POLA1: variants seen among roughly 807,000 people sequenced by gnomAD.
POLA1 encodes DNA polymerase alpha 1, catalytic subunit, also known as DNA polymerase alpha catalytic subunit.
In POLA1, 15 loss-of-function variants were observed where a neutral mutation model predicts 124.0. That is an observed-to-expected ratio of 0.12 (90% confidence interval 0.08 to 0.19). The LOEUF is 0.19. Ranked by LOEUF, POLA1 falls within the 10% of genes least tolerant of loss-of-function variation. The pLI is 1.00. For missense variants in POLA1, 886 were observed against 1,103.4 expected (o/e 0.80, Z 2.79); for synonymous variants, 408 against 389.4 (o/e 1.05, Z -0.56).
intron 36 of POLA1, among the ~76,000 whole-genome samples, chrX:24,973,311 G>C (rs1435777442): frequency 1.8e-5 from 2 of 110,853 alleles, no homozygotes; most frequent in African/African-American, 3.3e-5. Flanking sequence ...TTTGCAGTGA[G>C]CTGAGATAGC....
At chrX:24,812,040 G>T (rs1569321568) in intron 28 of POLA1, among the ~76,000 whole-genome samples, 1 of 112,241 alleles carries the variant, frequency 8.9e-6, no homozygotes, top group African/African-American at 3.2e-5. Context: ...AATTTGAATG[G>T]TAGTCTTCAC....
chrX:24,969,385 T>G (rs1361937077), intron 36 of POLA1, among the ~76,000 whole-genome samples: 2 of 110,296 alleles, frequency 1.8e-5, no homozygotes, highest in Non-Finnish European at 3.8e-5. Context: ...GGCATCCCCA[T>G]GCACCCCAGG....
chrX:24,991,375 A>G (rs1212410863), intron 36 of POLA1, among the ~76,000 whole-genome samples: 2 of 112,719 alleles, frequency 1.8e-5, no homozygotes, highest in African/African-American at 6.4e-5. Flanking sequence ...ATCTCTTTCA[A>G]GGTGACTCTT....
intron 36 of POLA1, among the ~76,000 whole-genome samples, chrX:24,985,215 T>C (rs1168704464): frequency 1.8e-5 from 2 of 112,595 alleles, no homozygotes; most frequent in Non-Finnish European, 3.8e-5. Context: ...AAGAGTCAGA[T>C]AGTAGTTTCA....
chrX:24,759,315 CA>C (rs1346138677), intron 26 of POLA1, among the ~76,000 whole-genome samples: 1 of 112,086 alleles, frequency 8.9e-6, no homozygotes, highest in African/African-American at 3.2e-5. Context: ...TAACACAAAA[CA>C]AAAGTCTGCA....
At chrX:24,708,979 T>C (rs1929040496) in intron 4 of POLA1, among the ~76,000 whole-genome samples, 1 of 78,787 alleles carries the variant, frequency 1.3e-5, no homozygotes, top group African/African-American at 4.4e-5. Flanking sequence ...GAGGCGCCCC[T>C]CACCTCCCGG....
At chrX:24,973,842 A>C (rs2048333120) in intron 36 of POLA1, among the ~76,000 whole-genome samples, 1 of 111,419 alleles carries the variant, frequency 9.0e-6, no homozygotes. Context: ...CCACCCCCAC[A>C]CAAGCTTCCC....
intron 10 of POLA1, among the ~76,000 whole-genome samples, chrX:24,722,596 C>A (rs1389366019): frequency 5.3e-5 from 6 of 112,775 alleles, no homozygotes; most frequent in Non-Finnish European, 1.1e-4. Flanking sequence ...TATCCTGATA[C>A]ATGAATATTG....
At chrX:24,707,200 G>A (rs1047810327) in intron 4 of POLA1, among the ~76,000 whole-genome samples, 1 of 111,790 alleles carries the variant, frequency 8.9e-6, no homozygotes, top group African/African-American at 3.3e-5. Flanking sequence ...TTAGAGTTAC[G>A]GTTCTATTGT....
In POLA1 at chrX:24,914,055, A is replaced by G. The variant is rs578135975; in HGVS notation, c.4165-16398A>G. Among the ~76,000 whole-genome samples, 13 of 109,766 alleles carry G rather than the reference A, an allele frequency of 1.2e-4. No homozygotes were observed. In the South Asian group the frequency reaches 5.3e-3, roughly 45 times the overall value. On this transcript the variant is annotated intron_variant, in intron 35 of 36. Coordinates refer to ENST00000379068, the MANE Select transcript of POLA1 (RefSeq NM_001330360.2). The stretch of plus-strand genomic sequence containing the variant: ...AAAAATAATAATAATTTTTTAAAAA[A>G]AGTCATGGCATGACTTTTTAGCCAG...
intron 35 of POLA1, among the ~76,000 whole-genome samples, chrX:24,908,597 G>A (rs1360836389): frequency 9.0e-6 from 1 of 110,598 alleles, no homozygotes; most frequent in Non-Finnish European, 1.9e-5. Flanking sequence ...AGTATTCCAT[G>A]GTGTATATGT....
At chrX:24,964,727 A>C (rs2048203998) in intron 36 of POLA1, among the ~76,000 whole-genome samples, 1 of 112,511 alleles carries the variant, frequency 8.9e-6, no homozygotes, top group African/African-American at 3.2e-5. Context: ...TTCCATAGGC[A>C]ATTAATATAT....
chrX:24,912,539 A>G (rs766842800), intron 35 of POLA1, among the ~76,000 whole-genome samples: 1 of 112,210 alleles, frequency 8.9e-6, no homozygotes, highest in Admixed American at 9.5e-5. Context: ...CCAATTTAAA[A>G]AAAAACAAAA....
Position 24,726,034 on chromosome X carries a change from G to A in POLA1, c.1371G>A (p.Glu457=), listed in dbSNP as rs1452402270. The A allele has an allele frequency of 1.7e-6, 2 of 1,154,367 alleles. No homozygotes were observed. Among genetic ancestry groups the A allele is most frequent in the Non-Finnish European group, 1.2e-6 (1 of 845,487 alleles). The change falls in exon 13 of 37, where the codon GAG becomes GAA. Residue 457 remains glutamate (E), a synonymous_variant. Transcript: ENST00000379068. ...FEIPDVPEKS[E]YLEVKYSAEM... is the part of the protein sequence containing the mutation. Reference sequence around the variant, plus strand: ...TACCTGATGTTCCAGAAAAATCTGAGTACTTGGAAGTTAAATACTCGGTAA... The same window carrying A: ...TACCTGATGTTCCAGAAAAATCTGAATACTTGGAAGTTAAATACTCGGTAA...
intron 11 of POLA1, among the ~76,000 whole-genome samples, chrX:24,723,987 C>T (rs961585842): frequency 5.7e-4 from 64 of 112,688 alleles, no homozygotes; most frequent in Non-Finnish European, 7.9e-4. Context: ...TCTGCTTCTC[C>T]TTTTTTATTG....
chrX:24,942,223 T>G (rs1157576577), intron 36 of POLA1, among the ~76,000 whole-genome samples: 3 of 112,360 alleles, frequency 2.7e-5, no homozygotes, highest in African/African-American at 9.7e-5. Context: ...GGATATGTAG[T>G]TGACACTTCT....
intron 36 of POLA1, among the ~76,000 whole-genome samples, chrX:24,992,191 C>G (rs1483271048): frequency 9.0e-6 from 1 of 111,193 alleles, no homozygotes; most frequent in Non-Finnish European, 1.9e-5. Flanking sequence ...CTCTGTAGGT[C>G]GGATGGCTCT....
At chrX:24,714,517 G>T in intron 4 of POLA1, 37 bp from the exon 5 acceptor site, 1 of 847,902 alleles carries the variant, frequency 1.2e-6, no homozygotes, top group Non-Finnish European at 1.7e-6. Flanking sequence ...TTTGATTTTT[G>T]CTGATGCATG....
At chrX:24,773,665 C>T (rs189583912) in intron 26 of POLA1, among the ~76,000 whole-genome samples, 9 of 111,903 alleles carry the variant, frequency 8.0e-5, no homozygotes, top group African/African-American at 2.9e-4. Context: ...GTTTCTGGTC[C>T]TTAGTAAGTG....
Sources: gnomAD v4.1 joint callset for allele counts (sites outside exome capture counted in the v4.1 genomes callset) on GRCh38, gnomAD v4.1.1 for gene constraint, MANE v1.5 for transcripts, NCBI Gene and HGNC (gene_info 2026-07-23, HGNC 2026-07-21) for gene names.